The following EPS8 variants were observed in gnomAD, a reference collection of about 807,000 sequenced individuals.
EPS8 encodes the protein epidermal growth factor receptor kinase substrate 8.
EPS8 carries 42 observed loss-of-function variants against 103.8 expected under a neutral mutation model. That is an observed-to-expected ratio of 0.40 (90% CI 0.32 to 0.52). The LOEUF (loss-of-function observed/expected upper bound fraction) is 0.52, where lower values mean the gene tolerates loss of function less well. Among genes scored for constraint, EPS8 ranks in the 20% least tolerant of loss-of-function variants. The pLI is 0.40. For synonymous variants in EPS8, 344 were observed against 344.6 expected (o/e 1.00, Z 0.02); for missense variants, 969 against 1,005.1 (o/e 0.96, Z 0.49).
At chr12:15,741,356 C>G (rs1946820677) in intron 1 of EPS8, among the ~76,000 whole-genome samples, 3 of 152,152 alleles carry the variant, frequency 2.0e-5, no homozygotes, top group Non-Finnish European at 2.9e-5. Flanking sequence ...CCTGAGCCAG[C>G]AGTGAGATGC....
chr12:15,626,307 T>C lies in EPS8; in HGVS notation c.2045-1900A>G, dbSNP rs1278047795. The stretch of plus-strand genomic sequence containing the variant: ...TACCACCCTACCCATTTCTCTTCAT[T>C]CTCTTCTCAGTATAACAACTAAGTG... On this transcript the variant is annotated intron_variant, in intron 18 of 20. Coordinates refer to ENST00000281172, the MANE Select transcript of EPS8 (RefSeq NM_004447.6). Among the ~76,000 whole-genome samples, 3 of 152,230 alleles carry C rather than the reference T, an allele frequency of 2.0e-5. No homozygotes were observed. The East Asian group carries it at 5.8e-4, about 29-fold the overall frequency.
chr12:15,774,867 A>G lies in EPS8; in HGVS notation c.-22+14294T>C, dbSNP rs188443056. 4.3e-3 allele frequency among the ~76,000 whole-genome samples: 661 copies of G among 152,072 alleles called. 5 individuals carry two copies. Among genetic ancestry groups the G allele is most frequent in the Non-Finnish European group, 7.1e-3 (483 of 67,956 alleles). The stretch of plus-strand genomic sequence containing the variant: ...AGAAATCTTTTTTTTAGTTCAGTGT[A>G]TAATGGCCCAATCCATGCATGCTTA... On this transcript the variant is annotated intron_variant, in intron 1 of 20. Coordinates refer to ENST00000281172, the MANE Select transcript of EPS8 (RefSeq NM_004447.6).
intron 1 of EPS8, among the ~76,000 whole-genome samples, chr12:15,770,882 T>A (rs940584001): frequency 6.6e-6 from 1 of 152,130 alleles, no homozygotes; most frequent in Non-Finnish European, 1.5e-5. Context: ...CAAGAAAAAA[T>A]TCATTTATTT....
rs1422038043 is a variant in EPS8 at position 15,670,865 on chromosome 12, G to A, written c.195C>T (p.Tyr65=). The A allele has an allele frequency of 1.2e-6, 2 of 1,607,722 alleles. No homozygotes were observed. Among genetic ancestry groups the A allele is most frequent in the Non-Finnish European group, 1.7e-6 (2 of 1,174,966 alleles). Residue 65 remains tyrosine (Y), a synonymous_variant, in exon 4 of 21, where the codon TAC becomes TAT. Transcript: ENST00000281172. ...CACCAAAGCATCTTACTTCAACACG[G>A]TATTGAGATATATCTGACACACTGC... ...SVSSVSDISQ[Y]RVEHLTTFVL...
Position 15,714,587 on chromosome 12 carries a change from G to C in EPS8, c.-21-31615C>G, listed in dbSNP as rs887563980. Among the ~76,000 whole-genome samples the C allele has an allele frequency of 2.0e-5, 3 of 152,180 alleles. No individual in the cohort carries two copies. The highest frequency in any genetic ancestry group is 4.4e-5 in the Non-Finnish European group (3 of 68,034). On this transcript the variant is annotated intron_variant, in intron 1 of 20. Coordinates refer to ENST00000281172, the MANE Select transcript of EPS8 (RefSeq NM_004447.6). This position sits in a 1 kb window ranked among gnomAD's most constrained non-coding sequence, Gnocchi z 4.1. ...AGCCCAGGAGTTTGAGCCCAGGAGT[G>C]AGCTATGATCACGCCACTGTATTCC...
At position 15,759,056 on chromosome 12, in the gene EPS8, G is replaced by A. The variant is rs982219777; in HGVS notation, c.-22+30105C>T. Reference sequence around the variant, plus strand: ...AATTTTTTAATTAAAAGATGCAGGGGAATTAAACTTTCTCCCTTCTCCAAT... The same window carrying A: ...AATTTTTTAATTAAAAGATGCAGGGAAATTAAACTTTCTCCCTTCTCCAAT... On this transcript the variant is annotated intron_variant, in intron 1 of 20. Coordinates refer to ENST00000281172, the MANE Select transcript of EPS8 (RefSeq NM_004447.6). This position sits in a 1 kb window ranked among gnomAD's most constrained non-coding sequence, Gnocchi z 4.9. 1.3e-5 allele frequency among the ~76,000 whole-genome samples: 2 copies of A among 151,928 alleles called. No individual in the cohort carries two copies. Among genetic ancestry groups the A allele is most frequent in the East Asian group, 3.9e-4 (2 of 5,194 alleles).
chr12:15,662,958 T>C (rs996738809), intron 8 of EPS8, among the ~76,000 whole-genome samples: 2 of 150,906 alleles, frequency 1.3e-5, no homozygotes, highest in African/African-American at 4.9e-5. Context: ...TTGCTATTCT[T>C]CCTTTACACT....
Position 15,757,431 on chromosome 12 carries a change from C to G in EPS8, c.-22+31730G>C, listed in dbSNP as rs970820496. 1.2e-4 allele frequency among the ~76,000 whole-genome samples: 18 copies of G among 152,062 alleles called. No individual in the cohort carries two copies. The highest frequency in any genetic ancestry group is 2.2e-4 in the Non-Finnish European group (15 of 68,010). On this transcript the variant is annotated intron_variant, in intron 1 of 20. Coordinates refer to ENST00000281172, the MANE Select transcript of EPS8 (RefSeq NM_004447.6). This position sits in a 1 kb window ranked among gnomAD's most constrained non-coding sequence, Gnocchi z 4.1. ...AGATCACAAAGTCAGGAGATCGAGACCATCCTGGCCAACACGGTGAAACCT... is the reference window on the plus strand; with the variant it reads ...AGATCACAAAGTCAGGAGATCGAGAGCATCCTGGCCAACACGGTGAAACCT...
At chr12:15,621,492 T>C in intron 20 of EPS8, 62 bp from the exon 21 acceptor site, 1 of 867,302 alleles carries the variant, frequency 1.2e-6, no homozygotes, top group Non-Finnish European at 1.8e-6. Context: ...GGTCATATCA[T>C]GAAATGGCTC....
intron 15 of EPS8, among the ~76,000 whole-genome samples, chr12:15,646,303 G>T (rs1056495313): frequency 9.9e-5 from 15 of 152,080 alleles, no homozygotes; most frequent in Non-Finnish European, 1.8e-4. Flanking sequence ...ATTAAGAAAA[G>T]AGTATACAGA....
intron 12 of EPS8, among the ~76,000 whole-genome samples, chr12:15,656,155 GT>G (rs1316998453): frequency 6.6e-6 from 1 of 152,170 alleles, no homozygotes; most frequent in Non-Finnish European, 1.5e-5. Flanking sequence ...CTCTGAAAGT[GT>G]GTGAAATAAA....
Position 15,779,056 on chromosome 12 carries a change from C to A in EPS8, c.-22+10105G>T, listed in dbSNP as rs973269788. 2.0e-5 allele frequency among the ~76,000 whole-genome samples: 3 copies of A among 152,166 alleles called. No homozygotes were observed. The highest frequency in any genetic ancestry group is 2.9e-5 in the Non-Finnish European group (2 of 68,010). On this transcript the variant is annotated intron_variant, in intron 1 of 20. Transcript: ENST00000281172. This position sits in a 1 kb window ranked among gnomAD's most constrained non-coding sequence, Gnocchi z 4.3. ...GCAATGGCGCCATCTTGGCTCACCACAACCTCCTGCCTCCCGGGTTCAAGC... is the reference window on the plus strand; with the variant it reads ...GCAATGGCGCCATCTTGGCTCACCAAAACCTCCTGCCTCCCGGGTTCAAGC...
chr12:15,659,743 G>A, intron 10 of EPS8, among the ~76,000 whole-genome samples: 1 of 152,076 alleles, frequency 6.6e-6, no homozygotes, highest in South Asian at 2.1e-4. Flanking sequence ...TTTTGTCAGA[G>A]GAAGTATAAA....
At position 15,759,371 on chromosome 12, in the gene EPS8, A is replaced by G. The variant is rs1176426695; in HGVS notation, c.-22+29790T>C. ...AATTTTGATCTGATTCAACACAACT[A>G]ATTTTATGCAATAAAAAAATTATAA... On this transcript the variant is annotated intron_variant, in intron 1 of 20. Transcript: ENST00000281172. This position sits in a 1 kb window ranked among gnomAD's most constrained non-coding sequence, Gnocchi z 4.9. Among the ~76,000 whole-genome samples, 1 of 152,116 alleles carries G rather than the reference A, an allele frequency of 6.6e-6. No homozygotes were observed. The highest frequency in any genetic ancestry group is 1.5e-5 in the Non-Finnish European group (1 of 67,974).
chr12:15,651,094 A>ACG, intron 13 of EPS8, 88 bp from the exon 14 acceptor site: 1 of 973,790 alleles, frequency 1.0e-6, no homozygotes, highest in Non-Finnish European at 1.6e-6. Flanking sequence ...AGACATACAC[A>ACG]CGCACACACA....
chr12:15,688,242 T>G lies in EPS8; in HGVS notation c.-21-5270A>C, dbSNP rs1350480844. 1.3e-5 allele frequency among the ~76,000 whole-genome samples: 2 copies of G among 152,144 alleles called. No homozygotes were observed. The highest frequency in any genetic ancestry group is 2.9e-5 in the Non-Finnish European group (2 of 68,026). ...CCTTAAAACAACATTATCAGCTAGT[T>G]ATTGGCTCTATTTTATGGGTGAGAT... On this transcript the variant is annotated intron_variant, in intron 1 of 20. Coordinates refer to ENST00000281172, the MANE Select transcript of EPS8 (RefSeq NM_004447.6). This position sits in a 1 kb window ranked among gnomAD's most constrained non-coding sequence, Gnocchi z 5.1.
chr12:15,788,888 C>T (rs905717925), intron 1 of EPS8, among the ~76,000 whole-genome samples: 9 of 152,126 alleles, frequency 5.9e-5, no homozygotes, highest in African/African-American at 2.2e-4. Flanking sequence ...ATCACTGGGC[C>T]ACGGCGAACC....
chr12:15,783,221 CT>C (rs1158795401), intron 1 of EPS8, among the ~76,000 whole-genome samples: 1 of 152,148 alleles, frequency 6.6e-6, no homozygotes, highest in Non-Finnish European at 1.5e-5. Flanking sequence ...CAATACAGTA[CT>C]GGATTTTCTC....
chr12:15,637,551 A>G (rs772287436), intron 17 of EPS8, among the ~76,000 whole-genome samples: 3 of 152,256 alleles, frequency 2.0e-5, no homozygotes, highest in Non-Finnish European at 4.4e-5. Context: ...AATGCCTGGC[A>G]CAGCATGAGC....
Sources: gnomAD v4.1 joint callset for allele counts (sites outside exome capture counted in the v4.1 genomes callset) on GRCh38, gnomAD v4.1.1 for gene constraint, Gnocchi (gnomAD v3.1) non-coding constraint, MANE v1.5 for transcripts, NCBI Gene and HGNC (gene_info 2026-07-23, HGNC 2026-07-21) for gene names.